Variants in SPSB4 observed in about 807,000 individuals in gnomAD.
SPSB4 encodes the protein splA/ryanodine receptor domain and SOCS box containing 4.
SPSB4 carries 21 observed loss-of-function variants against 20.9 expected under a neutral mutation model. The ratio of observed to expected loss-of-function variants is 1.01; its 90% CI spans 0.71 to 1.45. The LOEUF (loss-of-function observed/expected upper bound fraction) is 1.45. Among genes scored for constraint, SPSB4 ranks in the 40% most tolerant of loss-of-function variants. The pLI is 0.00. For synonymous variants in SPSB4, 207 were observed against 183.8 expected (o/e 1.13, Z -1.02); for missense variants, 399 against 399.2 (o/e 1.00, Z 0.00).
intron 2 of SPSB4, among the ~76,000 whole-genome samples, chr3:141,112,959 TC>T (rs1253639580): frequency 1.3e-5 from 2 of 152,160 alleles, no homozygotes; most frequent in Non-Finnish European, 2.9e-5. Context: ...TTTGACCATG[TC>T]TTGGACAGAT....
Position 141,147,645 on chromosome 3 carries a change from CCG to C in SPSB4, c.*377_*378del. The C allele has an allele frequency of 5.4e-6, 1 of 184,018 alleles. No homozygotes were observed. The highest frequency in any genetic ancestry group is 1.2e-5 in the Non-Finnish European group (1 of 86,766). 11.4% of individuals were successfully genotyped at this position (184,018 alleles called of 1,614,324 possible). On this transcript the variant is annotated 3_prime_UTR_variant, in exon 3 of 3. Transcript: ENST00000310546. ...GGCAGGAGACTTTCTATTGTGTGCC[CCG>C]TTGCAGACAGGGCCAGGGAGAAATT...
chr3:141,051,462 G>C lies in SPSB4; in HGVS notation c.-684G>C, dbSNP rs1048175906. The C allele has an allele frequency of 6.5e-6, 1 of 152,796 alleles. No individual in the cohort carries two copies. The allele number at this position is 152,796 out of a possible 1,614,324, so 9.5% of individuals were successfully genotyped here. A position where few individuals can be genotyped will look rare whatever the true frequency, so the allele number is the denominator to read the frequency against. ...GCATCCAGAGCTGGCCGTGGCGGCCGGCGCGCCCCGCGCACAAAAGCACCC... is the reference window on the plus strand; with the variant it reads ...GCATCCAGAGCTGGCCGTGGCGGCCCGCGCGCCCCGCGCACAAAAGCACCC... On this transcript the variant is annotated 5_prime_UTR_variant, in exon 1 of 3. Transcript: ENST00000310546.
intron 2 of SPSB4, among the ~76,000 whole-genome samples, chr3:141,093,069 C>T (rs1028924341): frequency 6.6e-6 from 1 of 151,876 alleles, no homozygotes; most frequent in East Asian, 1.9e-4. Context: ...GGGCTGAGAC[C>T]GCATGACAGG....
chr3:141,134,046 TTTC>T (rs1263739593), intron 2 of SPSB4, among the ~76,000 whole-genome samples: 4 of 128,360 alleles, frequency 3.1e-5, no homozygotes, highest in African/African-American at 1.2e-4. Flanking sequence ...TTTTTTTTTT[TTTC>T]TTTTTTCTTT....
chr3:141,066,242 G>A lies in SPSB4; in HGVS notation c.138G>A (p.Ala46=), dbSNP rs745383465. 3.5e-5 allele frequency: 54 copies of A among 1,530,998 alleles called. No individual in the cohort carries two copies. The Admixed American group carries it at 3.8e-4, about 11-fold the overall frequency. The allele number at this position is 1,530,998 out of a possible 1,614,324, so 94.8% of individuals were successfully genotyped here. The change falls in exon 2 of 3, where the codon GCG becomes GCA. Residue 46 remains alanine, a synonymous_variant. Transcript: ENST00000310546. The part of the protein sequence containing the change: ...RLDQLLDMPA[A]GLAVQLRHAW... ...ACCAGCTGTTGGACATGCCAGCGGC[G>A]GGGCTGGCTGTGCAGCTGCGGCACG...
At chr3:141,062,648 G>T (rs961693709) in intron 1 of SPSB4, among the ~76,000 whole-genome samples, 1 of 152,114 alleles carries the variant, frequency 6.6e-6, no homozygotes, top group Non-Finnish European at 1.5e-5. Flanking sequence ...CTGAGTTGGG[G>T]TCAAGTTGTT....
At chr3:141,121,603 G>A (rs1472114397) in intron 2 of SPSB4, among the ~76,000 whole-genome samples, 3 of 152,174 alleles carry the variant, frequency 2.0e-5, no homozygotes, top group African/African-American at 4.8e-5. Context: ...TGGAGGCTTT[G>A]TTCATTTCTT....
chr3:141,098,796 G>C (rs1369046892), intron 2 of SPSB4, among the ~76,000 whole-genome samples: 1 of 152,200 alleles, frequency 6.6e-6, no homozygotes, highest in Non-Finnish European at 1.5e-5. Context: ...AGTGGTGTTG[G>C]TGGGTGTCTT....
At chr3:141,131,843 T>C (rs1299729130) in intron 2 of SPSB4, among the ~76,000 whole-genome samples, 2 of 152,236 alleles carry the variant, frequency 1.3e-5, no homozygotes, top group African/African-American at 2.4e-5. Context: ...GTTAGGTGTT[T>C]ACCCAGGAGA....
intron 2 of SPSB4, among the ~76,000 whole-genome samples, chr3:141,097,867 A>T (rs1000119309): frequency 2.0e-5 from 3 of 152,230 alleles, no homozygotes; most frequent in Non-Finnish European, 4.4e-5. Flanking sequence ...ACTGATAATA[A>T]TAGTGACCCT....
intron 2 of SPSB4, 86 bp from the exon 3 acceptor site, chr3:141,147,056 G>T: frequency 6.4e-7 from 1 of 1,570,482 alleles, no homozygotes; most frequent in Middle Eastern, 2.3e-4. Context: ...AGAGGAGCAG[G>T]CAGGAGGCGG....
intron 2 of SPSB4, among the ~76,000 whole-genome samples, chr3:141,087,776 A>G (rs1295573492): frequency 1.3e-5 from 2 of 151,992 alleles, no homozygotes; most frequent in Admixed American, 1.3e-4. Context: ...GCAGAGGAGG[A>G]ATGGGAGGGG....
chr3:141,111,151 T>G (rs1938791588), intron 2 of SPSB4, among the ~76,000 whole-genome samples: 1 of 152,174 alleles, frequency 6.6e-6, no homozygotes, highest in African/African-American at 2.4e-5. Flanking sequence ...AAACCAAAAC[T>G]TTTTTCATAA....
intron 2 of SPSB4, among the ~76,000 whole-genome samples, chr3:141,090,526 G>A (rs1237272323): frequency 1.3e-5 from 2 of 152,118 alleles, no homozygotes; most frequent in East Asian, 3.9e-4. Flanking sequence ...AGAGGGGAGG[G>A]AGTGAGCTAT....
intron 2 of SPSB4, among the ~76,000 whole-genome samples, chr3:141,087,074 A>C (rs1358368659): frequency 6.6e-6 from 1 of 152,222 alleles, no homozygotes; most frequent in Non-Finnish European, 1.5e-5. Context: ...TGACACGCGC[A>C]CAGCACAGAG....
intron 2 of SPSB4, among the ~76,000 whole-genome samples, chr3:141,129,351 G>A (rs1177025032): frequency 1.3e-5 from 2 of 152,230 alleles, no homozygotes; most frequent in Non-Finnish European, 2.9e-5. Context: ...TGTCCCAGAT[G>A]TTGGGATTAC....
chr3:141,127,887 C>T (rs764410877), intron 2 of SPSB4, among the ~76,000 whole-genome samples: 8 of 152,188 alleles, frequency 5.3e-5, no homozygotes, highest in Non-Finnish European at 8.8e-5. Context: ...AGAACCGAAC[C>T]GAATTCCAGA....
At chr3:141,107,961 A>T (rs552694461) in intron 2 of SPSB4, among the ~76,000 whole-genome samples, 49 of 151,574 alleles carry the variant, frequency 3.2e-4, no homozygotes, top group South Asian at 2.9e-3. Context: ...TCTTAAAAAA[A>T]AAAATAAAAT....
At chr3:141,137,812 C>T in intron 2 of SPSB4, among the ~76,000 whole-genome samples, 1 of 152,170 alleles carries the variant, frequency 6.6e-6, no homozygotes, top group Non-Finnish European at 1.5e-5. Context: ...TTGTGTGTCT[C>T]TGACAGGCTT....
Sources: gnomAD v4.1 joint callset for allele counts (sites outside exome capture counted in the v4.1 genomes callset) on GRCh38, gnomAD v4.1.1 for gene constraint, MANE v1.5 for transcripts, NCBI Gene and HGNC (gene_info 2026-07-23, HGNC 2026-07-21) for gene names.